Variants in FAM177A1 observed in about 807,000 individuals in gnomAD.
FAM177A1 encodes the protein family with sequence similarity 177 member A1.
FAM177A1 carries 22 observed loss-of-function variants against 26.1 expected under a neutral mutation model. The observed-to-expected ratio is 0.84, with a 90% CI of 0.60 to 1.20. The LOEUF (loss-of-function observed/expected upper bound fraction) is 1.20, where lower values mean the gene tolerates loss of function less well. FAM177A1 is among the 50% of genes most tolerant of loss of function. The probability of loss-of-function intolerance (pLI) is 0.00; values close to 1 mark genes in which losing one functional copy is unlikely to be tolerated. For synonymous variants in FAM177A1, 95 were observed against 99.3 expected (o/e 0.96, Z 0.26); for missense variants, 296 against 291.1 (o/e 1.02, Z -0.12).
At chr14:35,076,280 A>G (rs1253968747) in intron 2 of FAM177A1, among the ~76,000 whole-genome samples, 2 of 152,228 alleles carry the variant, frequency 1.3e-5, no homozygotes, top group African/African-American at 4.8e-5. Flanking sequence ...GGATGAGTTC[A>G]TGTCCTTTGT....
intron 2 of FAM177A1, among the ~76,000 whole-genome samples, chr14:35,065,036 C>G (rs755143068): frequency 1.3e-5 from 2 of 151,420 alleles, no homozygotes; most frequent in Non-Finnish European, 1.5e-5. Flanking sequence ...TTTTTATGTA[C>G]GCTCATGTTA....
intron 3 of FAM177A1, among the ~76,000 whole-genome samples, chr14:35,078,502 C>T (rs1414606749): frequency 6.6e-6 from 1 of 152,148 alleles, no homozygotes; most frequent in Non-Finnish European, 1.5e-5. Flanking sequence ...CAGGTGCCCA[C>T]CACCATGCCC....
intron 1 of FAM177A1, chr14:35,050,465 C>G (rs1032202367): frequency 2.0e-4 from 30 of 152,190 alleles, no homozygotes; most frequent in African/African-American, 6.0e-4. Flanking sequence ...TCATTGCCCC[C>G]CACCCCGCCT....
chr14:35,046,279 A>C lies in FAM177A1; in HGVS notation c.-185A>C, dbSNP rs1195886020. ...CCGGTAGTTGCGCCTCCCAGACTGCAGTTGGCCAGCTCTCGGGGTGCGGAG... is the reference window on the plus strand; with the variant it reads ...CCGGTAGTTGCGCCTCCCAGACTGCCGTTGGCCAGCTCTCGGGGTGCGGAG... On this transcript the variant is annotated 5_prime_UTR_variant, in exon 1 of 5. Transcript: ENST00000280987. The C allele has an allele frequency of 1.7e-6, 1 of 589,036 alleles. No homozygotes were observed. The highest frequency in any genetic ancestry group is 5.1e-4 in the Middle Eastern group (1 of 1,964). The allele number at this position is 589,036 out of a possible 1,614,324, so 36.5% of individuals were successfully genotyped here.
At chr14:35,062,188 A>C (rs1383115121) in intron 2 of FAM177A1, among the ~76,000 whole-genome samples, 2 of 152,176 alleles carry the variant, frequency 1.3e-5, no homozygotes, top group Non-Finnish European at 2.9e-5. Flanking sequence ...GATTTTCTTG[A>C]ATAGATGTTT....
intron 2 of FAM177A1, among the ~76,000 whole-genome samples, chr14:35,065,523 A>G (rs2045228925): frequency 6.6e-6 from 1 of 151,964 alleles, no homozygotes; most frequent in African/African-American, 2.4e-5. Context: ...CCAACTGAGT[A>G]TTTGATTACT....
intron 2 of FAM177A1, among the ~76,000 whole-genome samples, chr14:35,072,049 G>A (rs1463998558): frequency 6.6e-6 from 1 of 152,126 alleles, no homozygotes; most frequent in Admixed American, 6.6e-5. Flanking sequence ...GGCTGAGGTG[G>A]GCAGATCACA....
intron 2 of FAM177A1, among the ~76,000 whole-genome samples, chr14:35,062,942 C>T (rs1371016422): frequency 7.5e-6 from 1 of 132,572 alleles, no homozygotes; most frequent in African/African-American, 2.8e-5. Context: ...AACCCCATAA[C>T]TTATTTTTTA....
intron 2 of FAM177A1, among the ~76,000 whole-genome samples, chr14:35,060,861 A>G (rs1357201155): frequency 6.6e-6 from 1 of 152,192 alleles, no homozygotes; most frequent in Non-Finnish European, 1.5e-5. Context: ...TAAGTTGATC[A>G]CCGTTCTGAG....
Position 35,046,544 on chromosome 14 carries a change from G to T in FAM177A1, c.81G>T (p.Glu27Asp), listed in dbSNP as rs201860851. The T allele has an allele frequency of 1.2e-5, 20 of 1,600,088 alleles. No individual in the cohort carries two copies. In the East Asian group the frequency reaches 4.1e-4, roughly 33 times the overall value. The change falls in exon 1 of 5, where the codon GAG becomes GAT. Residue 27 changes from glutamate to aspartate, a missense_variant. By Grantham distance (45) the Glu-to-Asp change is conservative (BLOSUM62 2). Coordinates refer to ENST00000280987, the MANE Select transcript of FAM177A1 (RefSeq NM_173607.5). Reference protein sequence around the residue: ...SPVVATTMDQEPVGGVERGEA... With the variant: ...SPVVATTMDQDPVGGVERGEA... ...TGGTGGCGACGACGATGGACCAGGA[G>T]CCAGTGGGCGGTGTGGAACGAGGAG... is the stretch of plus-strand genomic sequence containing the variant.
rs2045515643 is a variant in FAM177A1, at chr14:35,083,329, CTTAAG to C, written c.*2104_*2108del. 6.6e-6 allele frequency: 1 copy of C among 152,648 alleles called. No individual in the cohort carries two copies. The highest frequency in any genetic ancestry group is 1.5e-5 in the Non-Finnish European group (1 of 68,036). 9.5% of individuals were successfully genotyped at this position (152,648 alleles called of 1,614,324 possible). The stretch of plus-strand genomic sequence containing the variant: ...TTATCAATATAGTTATTCACTGTGC[CTTAAG>C]TTTATACTTTGTTTATGCAAACTAT... On this transcript the variant is annotated 3_prime_UTR_variant, in exon 5 of 5. Coordinates refer to ENST00000280987, the MANE Select transcript of FAM177A1 (RefSeq NM_173607.5).
chr14:35,063,588 AAAT>A (rs1283567676), intron 2 of FAM177A1, among the ~76,000 whole-genome samples: 1 of 152,106 alleles, frequency 6.6e-6, no homozygotes, highest in Non-Finnish European at 1.5e-5. Flanking sequence ...CAAAATAAAT[AAAT>A]AAATTTTCTC....
chr14:35,077,784 A>G (rs971192967), intron 3 of FAM177A1, among the ~76,000 whole-genome samples: 1 of 152,116 alleles, frequency 6.6e-6, no homozygotes, highest in Admixed American at 6.6e-5. Flanking sequence ...GCCCGGCCTC[A>G]AGTTCTTAAA....
At chr14:35,046,250 C>CGA, upstream of FAM177A1, 2 of 445,816 alleles carry the variant, frequency 4.5e-6, no homozygotes, top group Non-Finnish European at 7.6e-6. Flanking sequence ...CCGCCCCGCG[C>CGA]GAGCCGGTAG....
chr14:35,068,098 C>T (rs1287653640), intron 2 of FAM177A1, among the ~76,000 whole-genome samples: 1 of 152,078 alleles, frequency 6.6e-6, no homozygotes, highest in African/African-American at 2.4e-5. Flanking sequence ...AAAGTATTGC[C>T]CAGACCAATG....
At chr14:35,054,089 G>A (rs1004184424) in intron 2 of FAM177A1, among the ~76,000 whole-genome samples, 1 of 152,094 alleles carries the variant, frequency 6.6e-6, no homozygotes, top group Non-Finnish European at 1.5e-5. Context: ...AAAACTTAGG[G>A]AGTTGTCAGC....
chr14:35,078,219 T>C (rs1044549307), intron 3 of FAM177A1, among the ~76,000 whole-genome samples: 2 of 152,212 alleles, frequency 1.3e-5, no homozygotes, highest in Non-Finnish European at 2.9e-5. Context: ...ATCTGCCTTA[T>C]CAGTTTGGGT....
chr14:35,070,124 A>G (rs2045297387), intron 2 of FAM177A1, among the ~76,000 whole-genome samples: 2 of 62,298 alleles, frequency 3.2e-5, no homozygotes, highest in Non-Finnish European at 7.4e-5. Context: ...CAAAAAAAAA[A>G]AAAAAAAAAA....
chr14:35,058,417 T>C (rs2045096180), intron 2 of FAM177A1, among the ~76,000 whole-genome samples: 1 of 152,200 alleles, frequency 6.6e-6, no homozygotes. Context: ...ATTGTTGAAT[T>C]GTCTATTTCT....
Sources: allele counts gnomAD v4.1 joint callset (sites outside exome capture counted in the v4.1 genomes callset), GRCh38; gene constraint gnomAD v4.1.1; transcripts MANE v1.5; gene names NCBI Gene and HGNC (gene_info 2026-07-23, HGNC 2026-07-21).